Variants in SERPINB12 observed in about 807,000 individuals in gnomAD.
The protein encoded by SERPINB12 is serpin family B member 12, also known as serpin B12.
In SERPINB12, 57 loss-of-function variants were observed where a neutral mutation model predicts 41.1. The ratio of observed to expected loss-of-function variants is 1.39; its 90% CI spans 1.12 to 1.73. The LOEUF is 1.73. SERPINB12 is among the 40% of genes most tolerant of loss of function. The pLI, the probability that SERPINB12 is intolerant of heterozygous loss-of-function variation, is 0.00. For missense variants in SERPINB12, 536 were observed against 501.9 expected (o/e 1.07, Z -0.65); for synonymous variants, 180 against 181.3 (o/e 0.99, Z 0.06).
intron 2 of SERPINB12, 97 bp downstream of exon 2, chr18:63,556,424 G>T (rs1910681880): frequency 2.6e-6 from 3 of 1,132,152 alleles, no homozygotes; most frequent in Non-Finnish European, 2.5e-6. Flanking sequence ...GGGGCTTATT[G>T]CACCCTGGGC....
Position 63,565,547 on chromosome 18 carries a change from G to C in SERPINB12, c.808G>C (p.Gly270Arg), listed in dbSNP as rs781375192. ...AQILEMRYTK[G>R]KLSMFVLLPS... ...GATCCTGGAAATGAGGTACACCAAG[G>C]GGAAGCTCAGCATGTTCGTGCTGCT... is the stretch of plus-strand genomic sequence containing the variant. Residue 270 changes from glycine to arginine, a missense_variant, in exon 7 of 8, where the codon GGG becomes CGG. Coordinates refer to ENST00000382768, the MANE Select transcript of SERPINB12 (RefSeq NM_001307928.2). 1.6e-5 allele frequency: 26 copies of C among 1,614,006 alleles called. No homozygotes were observed. The East Asian group carries it at 5.6e-4, about 35-fold the overall frequency.
At position 63,567,553 on chromosome 18, in the gene SERPINB12, G is replaced by A. The variant is rs1911154015; in HGVS notation, c.*542G>A. Among the ~76,000 whole-genome samples, 2 of 152,172 alleles carry A rather than the reference G, an allele frequency of 1.3e-5. No individual in the cohort carries two copies. Among genetic ancestry groups the A allele is most frequent in the Non-Finnish European group, 2.9e-5 (2 of 68,028 alleles). On this transcript the variant is annotated 3_prime_UTR_variant, in exon 8 of 8. Coordinates refer to ENST00000382768, the MANE Select transcript of SERPINB12 (RefSeq NM_001307928.2). ...CTACTGCATGGAAGATGTCCTGTGA[G>A]GTCTTTTCACCTAGGACAAGGCAGG...
rs1911007298 is a variant in SERPINB12 at position 63,564,014 on chromosome 18, A to G, written c.599A>G (p.Asn200Ser). Residue 200 changes from asparagine (N) to serine (S), a missense_variant, in exon 6 of 8, where the codon AAT becomes AGT. Asn to Ser is a conservative substitution (Grantham distance 46, BLOSUM62 1). Transcript: ENST00000382768. ...IKELFSKDAI[N>S]AETVLVLVNA... is the part of the protein sequence containing the mutation. ...GAACTCTTCAGCAAGGACGCTATTAATGCTGAGACTGTGCTGGTACTGGTG... is the reference window on the plus strand; with the variant it reads ...GAACTCTTCAGCAAGGACGCTATTAGTGCTGAGACTGTGCTGGTACTGGTG... The G allele has an allele frequency of 1.9e-6, 3 of 1,613,712 alleles. No homozygotes were observed. Among genetic ancestry groups the G allele is most frequent in the East Asian group, 4.5e-5 (2 of 44,866 alleles).
chr18:63,564,179 G>T, intron 6 of SERPINB12, 59 bp downstream of exon 6: 2 of 1,551,392 alleles, frequency 1.3e-6, no homozygotes, highest in Non-Finnish European at 1.8e-6. Flanking sequence ...CACTAGGAAT[G>T]ATTTACAATA....
chr18:63,559,060 C>CTTTCTTTCTTTCTTTCTT (rs1404721073), intron 3 of SERPINB12, among the ~76,000 whole-genome samples: 8 of 88,934 alleles, frequency 9.0e-5, no homozygotes, highest in African/African-American at 4.3e-4. Flanking sequence ...CTTTCTTTCT[C>CTTTCTTTCTTTCTTTCTT]TCCTTCTTCT....
the SERPINB12 span, among the ~76,000 whole-genome samples, chr18:63,519,936 C>T: frequency 1.2e-4 from 19 of 152,236 alleles, no homozygotes; most frequent in African/African-American, 4.3e-4. Context: ...AACTCAGCCC[C>T]GTGGGGCTGG....
chr18:63,536,845 T>G, the SERPINB12 span, among the ~76,000 whole-genome samples: 1 of 152,124 alleles, frequency 6.6e-6, no homozygotes, highest in Non-Finnish European at 1.5e-5. Flanking sequence ...ATCACATATA[T>G]AAACTAATTA....
the SERPINB12 span, among the ~76,000 whole-genome samples, chr18:63,527,493 G>A: frequency 1.3e-5 from 2 of 152,152 alleles, no homozygotes; most frequent in African/African-American, 2.4e-5. Flanking sequence ...TCTTCTGGTG[G>A]GGGAAGTGGA....
chr18:63,521,141 TTATGGC>T, the SERPINB12 span, among the ~76,000 whole-genome samples: 2 of 152,208 alleles, frequency 1.3e-5, no homozygotes, highest in Non-Finnish European at 2.9e-5. Flanking sequence ...TTGTGCAAAG[TTATGGC>T]TTTTGCAGAG....
the SERPINB12 span, among the ~76,000 whole-genome samples, chr18:63,519,494 A>G: frequency 6.6e-6 from 1 of 152,068 alleles, no homozygotes; most frequent in Non-Finnish European, 1.5e-5. Flanking sequence ...ACTTTCGCTA[A>G]TTGTTCTTTG....
In SERPINB12 at chr18:63,559,647, A is replaced by G. The variant is rs910561359; in HGVS notation, c.373A>G (p.Arg125Gly). ...TGGGCAGCTTCTCTCCAAATTAGAC[A>G]GGATCAAGACTGATTACACACTGAG... is the stretch of plus-strand genomic sequence containing the variant. The part of the protein sequence containing the change: ...YFGQLLSKLD[R>G]IKTDYTLSIA... Residue 125 changes from arginine to glycine, a missense_variant, in exon 4 of 8, where the codon AGG becomes GGG. Coordinates refer to ENST00000382768, the MANE Select transcript of SERPINB12 (RefSeq NM_001307928.2). 1.9e-5 allele frequency: 31 copies of G among 1,614,030 alleles called. No homozygotes were observed. Among genetic ancestry groups the G allele is most frequent in the Non-Finnish European group, 2.5e-5 (30 of 1,179,998 alleles).
chr18:63,544,712 A>C (rs1468874621), intron 1 of SERPINB12, among the ~76,000 whole-genome samples: 1 of 152,164 alleles, frequency 6.6e-6, no homozygotes, highest in African/African-American at 2.4e-5. Context: ...AGTGATTGCA[A>C]GTTTTGAAAT....
intron 1 of SERPINB12, among the ~76,000 whole-genome samples, chr18:63,544,381 A>G (rs1910337781): frequency 6.6e-6 from 1 of 152,222 alleles, no homozygotes; most frequent in Non-Finnish European, 1.5e-5. Flanking sequence ...AATTCTATGT[A>G]ATTATATTAA....
chr18:63,556,106 C>A, intron 1 of SERPINB12, 36 bp from the exon 2 acceptor site: 1 of 1,458,762 alleles, frequency 6.9e-7, no homozygotes, highest in Non-Finnish European at 9.5e-7. Flanking sequence ...TTCTTCCAAT[C>A]ACCATTTTCT....
chr18:63,542,448 T>G lies in SERPINB12; in HGVS notation c.-63T>G, dbSNP rs767263858. Reference sequence around the variant, plus strand: ...TAGATTGATTTTTGAATTGACTTTATCAGAGCACAGACCTTAGCTGGGGAC... The same window carrying G: ...TAGATTGATTTTTGAATTGACTTTAGCAGAGCACAGACCTTAGCTGGGGAC... On this transcript the variant is annotated 5_prime_UTR_variant, in exon 1 of 8. Transcript: ENST00000382768. Among the ~76,000 whole-genome samples the G allele has an allele frequency of 6.6e-6, 1 of 152,182 alleles. No homozygotes were observed. Among genetic ancestry groups the G allele is most frequent in the Non-Finnish European group, 1.5e-5 (1 of 68,032 alleles).
upstream of SERPINB12, among the ~76,000 whole-genome samples, chr18:63,539,490 G>A (rs183060293): frequency 2.6e-5 from 4 of 152,172 alleles, no homozygotes; most frequent in East Asian, 7.7e-4. Context: ...ATATGATATA[G>A]GGATATGGGA....
chr18:63,562,034 A>C (rs1182925345), intron 5 of SERPINB12, among the ~76,000 whole-genome samples: 3 of 152,192 alleles, frequency 2.0e-5, no homozygotes, highest in African/African-American at 7.2e-5. Context: ...AAAACAAAAC[A>C]AAAAAGCATG....
At chr18:63,556,474 A>C in intron 2 of SERPINB12, 147 bp downstream of exon 2, 1 of 594,268 alleles carries the variant, frequency 1.7e-6, no homozygotes, top group Non-Finnish European at 2.8e-6. Flanking sequence ...CTTTATTTGT[A>C]TTTTCTCCAT....
chr18:63,534,606 C>A, the SERPINB12 span, among the ~76,000 whole-genome samples: 1 of 151,962 alleles, frequency 6.6e-6, no homozygotes, highest in Admixed American at 6.6e-5. Context: ...AATTCACAAA[C>A]TTTTTTTTCT....
Sources: allele counts gnomAD v4.1 joint callset (sites outside exome capture counted in the v4.1 genomes callset), GRCh38; gene constraint gnomAD v4.1.1; transcripts MANE v1.5; gene names NCBI Gene and HGNC (gene_info 2026-07-23, HGNC 2026-07-21).